ATP6V1G3: variants seen among roughly 807,000 people sequenced by gnomAD.
The protein encoded by ATP6V1G3 is V-type proton ATPase subunit G 3.
Under a neutral mutation model 9.3 loss-of-function variants are expected in ATP6V1G3, and 9 were observed. The ratio of observed to expected loss-of-function variants is 0.97; its 90% CI spans 0.59 to 1.69. The LOEUF (loss-of-function observed/expected upper bound fraction) is 1.69. Among genes scored for constraint, ATP6V1G3 ranks in the 40% most tolerant of loss-of-function variants. The pLI is 0.00. For synonymous variants in ATP6V1G3, 43 were observed against 43.8 expected (o/e 0.98, Z 0.07); for missense variants, 133 against 139.0 (o/e 0.96, Z 0.22).
intron 1 of ATP6V1G3, among the ~76,000 whole-genome samples, chr1:198,534,761 TAAC>T (rs1660039534): frequency 6.6e-6 from 1 of 152,194 alleles, no homozygotes; most frequent in Non-Finnish European, 1.5e-5. Context: ...CTGTTAGTAA[TAAC>T]AACTTTTGAT....
At chr1:198,536,921 T>C (rs1280916257) in intron 1 of ATP6V1G3, among the ~76,000 whole-genome samples, 2 of 152,200 alleles carry the variant, frequency 1.3e-5, no homozygotes, top group African/African-American at 4.8e-5. Flanking sequence ...TGTGTGTGTG[T>C]GCGTGTATTA....
intron 1 of ATP6V1G3, among the ~76,000 whole-genome samples, chr1:198,539,659 C>G (rs1660265610): frequency 6.6e-6 from 1 of 152,164 alleles, no homozygotes; most frequent in South Asian, 2.1e-4. Context: ...TCTGTGTGAC[C>G]TTAGACAAGT....
rs140170541 is a variant in ATP6V1G3, at chr1:198,531,839, T to C, written c.83-2658A>G. Among the ~76,000 whole-genome samples, 24 of 152,184 alleles carry C rather than the reference T, an allele frequency of 1.6e-4. No individual in the cohort carries two copies. The East Asian group carries it at 4.6e-3, about 29-fold the overall frequency. On this transcript the variant is annotated intron_variant, in intron 1 of 2. Coordinates refer to ENST00000367382, the MANE Select transcript of ATP6V1G3 (RefSeq NM_001376861.1). ...ATAAGACAGATTTAATAATCTACCATAAAAAGTTATTGGAGGGATTAGAAA... is the reference window on the plus strand; with the variant it reads ...ATAAGACAGATTTAATAATCTACCACAAAAAGTTATTGGAGGGATTAGAAA...
At position 198,529,201 on chromosome 1, in the gene ATP6V1G3, T is replaced by G; in HGVS notation, c.83-20A>C. On this transcript the variant is annotated intron_variant, in intron 1 of 2. Transcript: ENST00000367382. ...CTTTTCCTGAAAATTAACAAATATA[T>G]ATATATATATATATAATTATATATA... is the stretch of plus-strand genomic sequence containing the variant. 1 of 387,458 alleles carries G rather than the reference T, an allele frequency of 2.6e-6. No individual in the cohort carries two copies. Among genetic ancestry groups the G allele is most frequent in the South Asian group, 7.1e-5 (1 of 14,152 alleles). 24.0% of individuals were successfully genotyped at this position (387,458 alleles called of 1,614,324 possible). A position where few individuals can be genotyped will look rare whatever the true frequency, so the allele number is the denominator to read the frequency against.
At chr1:198,536,729 C>G in intron 1 of ATP6V1G3, 2 of 1,601,670 alleles carry the variant, frequency 1.2e-6, no homozygotes, top group East Asian at 2.2e-5. Context: ...GCAGAACTTA[C>G]AGCAGGGGTA....
At chr1:198,533,015 G>A (rs1034053522) in intron 1 of ATP6V1G3, among the ~76,000 whole-genome samples, 2 of 152,036 alleles carry the variant, frequency 1.3e-5, no homozygotes, top group African/African-American at 2.4e-5. Flanking sequence ...TAATTTAAAA[G>A]GATTTCTTGG....
intron 1 of ATP6V1G3, among the ~76,000 whole-genome samples, chr1:198,533,374 CAAG>C (rs1019781616): frequency 2.6e-5 from 4 of 151,294 alleles, no homozygotes; most frequent in African/African-American, 4.9e-5. Context: ...AAAGGAGAAT[CAAG>C]AAGATCAGTC....
chr1:198,538,667 G>A (rs1164313855), intron 1 of ATP6V1G3, among the ~76,000 whole-genome samples: 2 of 152,062 alleles, frequency 1.3e-5, no homozygotes, highest in African/African-American at 4.8e-5. Flanking sequence ...TAATTTGGGA[G>A]GCAGAGGCAG....
chr1:198,525,576 A>G (rs554019540), intron 2 of ATP6V1G3, among the ~76,000 whole-genome samples: 62 of 152,314 alleles, frequency 4.1e-4, no homozygotes, highest in African/African-American at 1.4e-3. Flanking sequence ...TAAGTTTTCT[A>G]GAAGCCACAT....
At chr1:198,539,739 G>A (rs986808019) in intron 1 of ATP6V1G3, among the ~76,000 whole-genome samples, 1 of 152,194 alleles carries the variant, frequency 6.6e-6, no homozygotes, top group African/African-American at 2.4e-5. Context: ...TAAGCAATGA[G>A]CATGGTGCCT....
intron 1 of ATP6V1G3, among the ~76,000 whole-genome samples, chr1:198,531,217 A>G (rs1392662002): frequency 6.6e-6 from 1 of 152,096 alleles, no homozygotes; most frequent in Non-Finnish European, 1.5e-5. Flanking sequence ...TTCTTGATAG[A>G]CTCAGCAGCT....
chr1:198,539,336 A>G lies in ATP6V1G3; in HGVS notation c.82+1233T>C, dbSNP rs544891406. 9.2e-5 allele frequency among the ~76,000 whole-genome samples: 14 copies of G among 152,356 alleles called. 1 individual carries two copies. The South Asian group carries it at 2.9e-3, about 32-fold the overall frequency. ...GTACCTACTCCAATCCCATCACTACATTCATCCAAAGAGTTACATAAGTAA... is the reference window on the plus strand; with the variant it reads ...GTACCTACTCCAATCCCATCACTACGTTCATCCAAAGAGTTACATAAGTAA... On this transcript the variant is annotated intron_variant, in intron 1 of 2. Coordinates refer to ENST00000367382, the MANE Select transcript of ATP6V1G3 (RefSeq NM_001376861.1).
rs764325098 is a variant in ATP6V1G3, at chr1:198,523,343, A to C, written c.*48T>G. On this transcript the variant is annotated 3_prime_UTR_variant, in exon 3 of 3. Transcript: ENST00000367382. ...TAAAAATACGAAGCCATAAGCAACC[A>C]GGTGGCACTCACACACCTTTTTTTT... The C allele has an allele frequency of 6.4e-7, 1 of 1,561,060 alleles. No individual in the cohort carries two copies. The highest frequency in any genetic ancestry group is 1.4e-5 in the African/African-American group (1 of 73,110).
chr1:198,526,443 T>A (rs1659655592), intron 2 of ATP6V1G3, among the ~76,000 whole-genome samples: 3 of 152,194 alleles, frequency 2.0e-5, no homozygotes, highest in Admixed American at 2.0e-4. Flanking sequence ...GGAAACCTGT[T>A]ACCTGAATGT....
chr1:198,533,432 A>G (rs986851367), intron 1 of ATP6V1G3, among the ~76,000 whole-genome samples: 2 of 152,184 alleles, frequency 1.3e-5, no homozygotes, highest in African/African-American at 4.8e-5. Context: ...AATTGCTGGA[A>G]ATGGTAAAGT....
At chr1:198,530,236 T>G (rs1659843466) in intron 1 of ATP6V1G3, among the ~76,000 whole-genome samples, 1 of 152,230 alleles carries the variant, frequency 6.6e-6, no homozygotes, top group Non-Finnish European at 1.5e-5. Flanking sequence ...GTTTACAATT[T>G]CTGTCAACCA....
At position 198,536,604 on chromosome 1, in the gene ATP6V1G3, G is replaced by A; in HGVS notation, c.82+3965C>T. 6.3e-6 allele frequency: 8 copies of A among 1,272,862 alleles called. No individual in the cohort carries two copies. The South Asian group carries it at 1.1e-4, about 18-fold the overall frequency. 78.8% of individuals were successfully genotyped at this position (1,272,862 alleles called of 1,614,324 possible). ...GGCAGTTTTGCACATAAAAATGAGT[G>A]AGAGCTTTAACTAATAAATATAACC... On this transcript the variant is annotated intron_variant, in intron 1 of 2. Transcript: ENST00000367382.
chr1:198,523,253 TG>T lies in ATP6V1G3; in HGVS notation c.*137del. 1 of 804,540 alleles carries T rather than the reference TG, an allele frequency of 1.2e-6. No individual in the cohort carries two copies. The highest frequency in any genetic ancestry group is 2.0e-6 in the Non-Finnish European group (1 of 507,454). 49.8% of individuals were successfully genotyped at this position (804,540 alleles called of 1,614,324 possible). On this transcript the variant is annotated 3_prime_UTR_variant, in exon 3 of 3. Transcript: ENST00000367382. ...TTTGTTTTGTTTAATTCAGTGCCGATGTATGAGTTATGTCACATTTCCTGTA... is the reference window on the plus strand; with the variant it reads ...TTTGTTTTGTTTAATTCAGTGCCGATTATGAGTTATGTCACATTTCCTGTA...
chr1:198,529,145 G>T lies in ATP6V1G3; in HGVS notation c.119C>A (p.Ala40Glu). The change falls in exon 2 of 3, where the codon GCA (alanine) becomes GAA (glutamate). Residue 40 changes from alanine to glutamate, a missense_variant. Physicochemically the swap from Ala to Glu is moderately radical, Grantham distance 107. Coordinates refer to ENST00000367382, the MANE Select transcript of ATP6V1G3 (RefSeq NM_001376861.1). ...GKRLKQAKEE[A>E]MVEIDQYRMQ... ...TCTGTACTGGTCAATTTCTACCATT[G>T]CTTCCTCCTTGGCTTGCTTCAATCG... 6.9e-7 allele frequency: 1 copy of T among 1,452,842 alleles called. No homozygotes were observed. The allele number at this position is 1,452,842 out of a possible 1,614,324, so 90.0% of individuals were successfully genotyped here.
Sources: gnomAD v4.1 joint callset for allele counts (sites outside exome capture counted in the v4.1 genomes callset) on GRCh38, gnomAD v4.1.1 for gene constraint, MANE v1.5 for transcripts, NCBI Gene and HGNC (gene_info 2026-07-23, HGNC 2026-07-21) for gene names.